The following RAET1L variants were observed in gnomAD, a reference collection of about 807,000 sequenced individuals.
RAET1L encodes UL16-binding protein 6.
RAET1L carries 16 observed loss-of-function variants against 23.9 expected under a neutral mutation model. The ratio of observed to expected loss-of-function variants is 0.67; its 90% CI spans 0.45 to 1.02. The LOEUF is 1.02. RAET1L is among the 50% of genes least tolerant of loss of function. The probability of loss-of-function intolerance (pLI) is 0.00; values close to 1 mark genes in which losing one functional copy is unlikely to be tolerated. For synonymous variants in RAET1L, 70 were observed against 111.2 expected, an observed-to-expected ratio of 0.63 and a Z score of 2.33; for missense variants, 233 against 304.0, an observed-to-expected ratio of 0.77 and a Z score of 1.74.
rs538529365 is a variant in RAET1L, at chr6:150,021,951, C to G, written c.349+29G>C. On this transcript the variant is annotated intron_variant, in intron 2 of 4. Transcript: ENST00000367341. ...CTCTAACCTACCACTGTATCTGCTC[C>G]CTGCTGTCCTGGGCCATCTGAAACT... 5.0e-6 allele frequency: 8 copies of G among 1,608,342 alleles called. No homozygotes were observed. In the African/African-American group the frequency reaches 6.8e-5, roughly 14 times the overall value.
At chr6:150,021,894 C>G (rs1320582367) in intron 2 of RAET1L, 86 bp downstream of exon 2, 7 of 1,554,384 alleles carry the variant, frequency 4.5e-6, no homozygotes, top group Middle Eastern at 1.7e-4. Flanking sequence ...GCCCAGGACC[C>G]TTTTGTATTT....
intron 3 of RAET1L, 143 bp from the exon 4 acceptor site, chr6:150,020,382 G>C: frequency 6.7e-7 from 1 of 1,496,132 alleles, no homozygotes; most frequent in Non-Finnish European, 9.1e-7. Flanking sequence ...CAGTATGACA[G>C]GTCCTGGCTT....
rs370097250 is a variant in RAET1L at position 150,021,882 on chromosome 6, G to T, written c.349+98C>A. Reference sequence around the variant, plus strand: ...GCTGGGACTACAGGCGTGAGCCACCGTGCCCAGGACCCTTTTGTATTTTTA... The same window carrying T: ...GCTGGGACTACAGGCGTGAGCCACCTTGCCCAGGACCCTTTTGTATTTTTA... On this transcript the variant is annotated intron_variant, in intron 2 of 4. Transcript: ENST00000367341. The T allele has an allele frequency of 3.5e-4, 505 of 1,437,774 alleles. 4 individuals are homozygous for T. The East Asian group carries it at 9.1e-3, about 26-fold the overall frequency. 89.1% of individuals were successfully genotyped at this position (1,437,774 alleles called of 1,614,324 possible). A position where few individuals can be genotyped will look rare whatever the true frequency, so the allele number is the denominator to read the frequency against.
At chr6:150,021,365 C>T (rs1265958269) in intron 2 of RAET1L, among the ~76,000 whole-genome samples, 179 bp from the exon 3 acceptor site, 2 of 143,274 alleles carry the variant, frequency 1.4e-5, no homozygotes, top group South Asian at 2.3e-4. Context: ...GAAAGGGTCT[C>T]GCTCTGTCAC....
At chr6:150,024,092 A>C (rs546890284) in intron 1 of RAET1L, among the ~76,000 whole-genome samples, 465 of 151,914 alleles carry the variant, frequency 3.1e-3, no homozygotes, top group Non-Finnish European at 5.4e-3. Flanking sequence ...GGCTGCACCC[A>C]CTCACCCTCA....
In RAET1L at chr6:150,021,167, T is replaced by G. The variant is rs201609351; in HGVS notation, c.369A>C (p.Ala123=). 4,817 of 1,611,440 alleles carry G rather than the reference T, an allele frequency of 3.0e-3. 111 individuals are homozygous for G. In the African/African-American group the frequency reaches 0.054, roughly 18 times the overall value. ...CAGCTTTCTGCTCACAAGACATCCT[T>G]GCCTGCAGGGTGAGGGGTTCTGCCC... ...YTPKEPLTLQ[A]RMSCEQKAEG... The change falls in exon 3 of 5, where the codon GCA becomes GCC. Residue 123 remains alanine, a synonymous_variant. Coordinates refer to ENST00000367341, the MANE Select transcript of RAET1L (RefSeq NM_130900.3).
intron 3 of RAET1L, 71 bp from the exon 4 acceptor site, chr6:150,020,310 T>C (rs915160852): frequency 2.1e-5 from 32 of 1,520,704 alleles, no homozygotes; most frequent in Non-Finnish European, 2.9e-5. Flanking sequence ...CCTCAGTTCC[T>C]GCCACCCTAG....
At chr6:150,025,246 A>C in intron 1 of RAET1L, 141 bp downstream of exon 1, 1 of 656,362 alleles carries the variant, frequency 1.5e-6, no homozygotes. Context: ...GAAGGAGCCC[A>C]GGAGGGGAAC....
intron 1 of RAET1L, among the ~76,000 whole-genome samples, chr6:150,025,021 C>T (rs989643623): frequency 1.3e-5 from 2 of 152,008 alleles, no homozygotes; most frequent in African/African-American, 2.4e-5. Context: ...TGTGGTACCC[C>T]CCTTCACCCA....
In RAET1L at chr6:150,023,608, G is replaced by A. The variant is rs548019438; in HGVS notation, c.86-1365C>T. 3.3e-5 allele frequency among the ~76,000 whole-genome samples: 5 copies of A among 152,324 alleles called. No individual in the cohort carries two copies. The South Asian group carries it at 1.0e-3, about 32-fold the overall frequency. ...ACTCTGCTGTTGAAGCTCAAAAGCA[G>A]CCATAGACAATCCATGAATGATGAG... On this transcript the variant is annotated intron_variant, in intron 1 of 4. Coordinates refer to ENST00000367341, the MANE Select transcript of RAET1L (RefSeq NM_130900.3).
Position 150,021,967 on chromosome 6 carries a change from A to G in RAET1L, c.349+13T>C, listed in dbSNP as rs1243360977. 6.2e-7 allele frequency: 1 copy of G among 1,605,330 alleles called. No individual in the cohort carries two copies. The highest frequency in any genetic ancestry group is 1.4e-5 in the African/African-American group (1 of 73,668). On this transcript the variant is annotated intron_variant, in intron 2 of 4. Coordinates refer to ENST00000367341, the MANE Select transcript of RAET1L (RefSeq NM_130900.3). ...TATCTGCTCCCTGCTGTCCTGGGCC[A>G]TCTGAAACTTACCCTTGGGTGTGTA...
At position 150,025,399 on chromosome 6, in the gene RAET1L, CCCGGGACCAG is replaced by C. The variant is rs1562510113; in HGVS notation, c.63_72del (p.Trp22LeufsTer57). On this transcript the variant is annotated frameshift_variant, in exon 1 of 5. Coordinates refer to ENST00000367341, the MANE Select transcript of RAET1L (RefSeq NM_130900.3). LOFTEE classifies it high-confidence loss of function. ...TCCACCAGCTCACCGTCTCGCCTAGCCCGGGACCAGCCGAACAGCAGGAACAGAAGCGGGA... is the reference window on the plus strand; with the variant it reads ...TCCACCAGCTCACCGTCTCGCCTAGCCCGAACAGCAGGAACAGAAGCGGGA... The C allele has an allele frequency of 6.2e-7, 1 of 1,613,928 alleles. No individual in the cohort carries two copies. The highest frequency in any genetic ancestry group is 1.1e-5 in the South Asian group (1 of 91,068).
At chr6:150,024,977 T>C (rs751732270) in intron 1 of RAET1L, among the ~76,000 whole-genome samples, 3 of 152,022 alleles carry the variant, frequency 2.0e-5, no homozygotes, top group Non-Finnish European at 4.4e-5. Context: ...CAGAGCAGGC[T>C]TGTGGCTGGT....
rs1054768998 is a variant in RAET1L, at chr6:150,020,308, C to T, written c.632-69G>A. ...AATCTGAGGAGACACCTCCTCAGTT[C>T]CTGCCACCCTAGGTCATCCTGGAAG... On this transcript the variant is annotated intron_variant, in intron 3 of 4. Transcript: ENST00000367341. The T allele has an allele frequency of 9.9e-6, 15 of 1,514,814 alleles. No individual in the cohort carries two copies. The Admixed American group carries it at 1.9e-4, about 19-fold the overall frequency. 93.8% of individuals were successfully genotyped at this position (1,514,814 alleles called of 1,614,324 possible).
rs1779893488 is a variant in RAET1L, at chr6:150,021,886, C to T, written c.349+94G>A. The T allele has an allele frequency of 9.3e-6, 14 of 1,504,876 alleles. No homozygotes were observed. The South Asian group carries it at 1.6e-4, about 17-fold the overall frequency. 93.2% of individuals were successfully genotyped at this position (1,504,876 alleles called of 1,614,324 possible). Reference sequence around the variant, plus strand: ...GGACTACAGGCGTGAGCCACCGTGCCCAGGACCCTTTTGTATTTTTACATG... The same window carrying T: ...GGACTACAGGCGTGAGCCACCGTGCTCAGGACCCTTTTGTATTTTTACATG... On this transcript the variant is annotated intron_variant, in intron 2 of 4. Coordinates refer to ENST00000367341, the MANE Select transcript of RAET1L (RefSeq NM_130900.3).
chr6:150,021,987 T>A lies in RAET1L; in HGVS notation c.342A>T (p.Thr114=), dbSNP rs763206990. 1 of 1,598,470 alleles carries A rather than the reference T, an allele frequency of 6.3e-7. No individual in the cohort carries two copies. Among genetic ancestry groups the A allele is most frequent in the African/African-American group, 1.4e-5 (1 of 72,900 alleles). Residue 114 remains threonine (T), a synonymous_variant, in exon 2 of 5, where the codon ACA becomes ACT. Coordinates refer to ENST00000367341, the MANE Select transcript of RAET1L (RefSeq NM_130900.3). ...GGGCCATCTGAAACTTACCCTTGGG[T>A]GTGTAATTCTCCAGCTGAATGTCAA... ...QLLDIQLENY[T]PKEPLTLQAR...
rs1209879317 is a variant in RAET1L at position 150,022,787 on chromosome 6, G to A, written c.86-544C>T. On this transcript the variant is annotated intron_variant, in intron 1 of 4. Coordinates refer to ENST00000367341, the MANE Select transcript of RAET1L (RefSeq NM_130900.3). ...ATGAGGAGGCCTTCCTGAAACCTTG[G>A]ACAAAGAGATGGTCCACACAGCAAG... 9.0e-4 allele frequency among the ~76,000 whole-genome samples: 102 copies of A among 113,012 alleles called. 14 individuals carry two copies. Among genetic ancestry groups the A allele is most frequent in the Admixed American group, 2.1e-3 (25 of 11,640 alleles). The allele number at this position is 113,012 out of a possible 152,430, so 74.1% of individuals were successfully genotyped here. A position where few individuals can be genotyped will look rare whatever the true frequency, so the allele number is the denominator to read the frequency against.
chr6:150,021,445 G>A (rs1418175124), intron 2 of RAET1L, among the ~76,000 whole-genome samples: 3 of 133,236 alleles, frequency 2.3e-5, no homozygotes, highest in Non-Finnish European at 5.0e-5. Context: ...GACTACAGGC[G>A]CCCGCCACCA....
intron 3 of RAET1L, among the ~76,000 whole-genome samples, 153 bp downstream of exon 3, chr6:150,020,752 C>T (rs1779874988): frequency 6.6e-6 from 1 of 152,058 alleles, no homozygotes; most frequent in African/African-American, 2.4e-5. Context: ...AGGGCACAGG[C>T]ATGCCAGTAA....
Sources: allele counts gnomAD v4.1 joint callset (sites outside exome capture counted in the v4.1 genomes callset), GRCh38; gene constraint gnomAD v4.1.1; transcripts MANE v1.5; gene names NCBI Gene and HGNC (gene_info 2026-07-23, HGNC 2026-07-21).